RBFOX1: variants seen among roughly 807,000 people sequenced by gnomAD.
RBFOX1 encodes the protein RNA binding fox-1 homolog 1.
A neutral mutation model predicts 57.7 loss-of-function variants in RBFOX1; 8 were observed. That is an observed-to-expected ratio of 0.14 (90% CI 0.08 to 0.25). The LOEUF (loss-of-function observed/expected upper bound fraction) is 0.25, where lower values mean the gene tolerates loss of function less well. RBFOX1 is among the 10% of genes least tolerant of loss of function. The pLI is 1.00. For missense variants in RBFOX1, 611 were observed against 548.5 expected (o/e 1.11, Z -1.14); for synonymous variants, 326 against 222.4 (o/e 1.47, Z -4.15).
chr16:6,683,456 T>G (rs891763289), intron 3 of RBFOX1, among the ~76,000 whole-genome samples: 2 of 152,146 alleles, frequency 1.3e-5, no homozygotes, highest in Non-Finnish European at 2.9e-5. Context: ...TTCAAATGGT[T>G]TAGGAGAAAA....
At chr16:5,700,543 G>C (rs552567467) in intron 3 of RBFOX1, among the ~76,000 whole-genome samples, 47 of 152,206 alleles carry the variant, frequency 3.1e-4, no homozygotes, top group African/African-American at 1.1e-3. Flanking sequence ...AATTCTTTTG[G>C]TTATGCAGTT....
intron 4 of RBFOX1, among the ~76,000 whole-genome samples, chr16:5,881,344 C>CCCG (rs996395511): frequency 4.6e-5 from 7 of 152,158 alleles, no homozygotes; most frequent in Admixed American, 3.3e-4. Flanking sequence ...CTGGTTTTAA[C>CCCG]CTGTGGCTTC....
At chr16:7,029,530 A>T (rs1456383365) in intron 3 of RBFOX1, among the ~76,000 whole-genome samples, 2 of 152,020 alleles carry the variant, frequency 1.3e-5, no homozygotes, top group Admixed American at 1.3e-4. Context: ...GCTAGCTCTT[A>T]AGAAATCTAA....
At chr16:6,972,305 T>G (rs185533405) in intron 3 of RBFOX1, among the ~76,000 whole-genome samples, 26 of 152,262 alleles carry the variant, frequency 1.7e-4, no homozygotes, top group African/African-American at 6.0e-4. Context: ...TCTCTATGAT[T>G]GGGCTACGTT....
At chr16:7,582,553 G>A (rs369421745) in intron 6 of RBFOX1, among the ~76,000 whole-genome samples, 1 of 152,286 alleles carries the variant, frequency 6.6e-6, no homozygotes. Flanking sequence ...TTTAGTGGCA[G>A]GAATCACATT....
At chr16:5,717,703 A>G (rs775175217) in intron 3 of RBFOX1, among the ~76,000 whole-genome samples, 5 of 152,198 alleles carry the variant, frequency 3.3e-5, no homozygotes, top group Non-Finnish European at 7.3e-5. Context: ...ATTTCAACAC[A>G]GCACTCTCTC....
At chr16:6,415,300 A>G (rs1054993430) in intron 2 of RBFOX1, among the ~76,000 whole-genome samples, 2 of 151,708 alleles carry the variant, frequency 1.3e-5, no homozygotes, top group Non-Finnish European at 2.9e-5. Flanking sequence ...ACAGTGTAAC[A>G]GGGTACTAGT....
At chr16:6,873,737 A>G (rs1044411249) in intron 3 of RBFOX1, among the ~76,000 whole-genome samples, 1 of 152,194 alleles carries the variant, frequency 6.6e-6, no homozygotes, top group Admixed American at 6.6e-5. Context: ...CGTCATCACC[A>G]TGAAAATCAG....
intron 2 of RBFOX1, among the ~76,000 whole-genome samples, chr16:6,506,624 ATTTTTTTTTTTTTTTTTTTTT>A (rs71145238): frequency 3.3e-4 from 32 of 98,456 alleles, no homozygotes; most frequent in African/African-American, 1.0e-3. Flanking sequence ...ACAGTAGCTA[ATTTTTTTTTTTTTTTTTTTTT>A]TTTTTTTTTT....
At chr16:7,633,483 T>C (rs905650700) in intron 11 of RBFOX1, among the ~76,000 whole-genome samples, 1 of 152,184 alleles carries the variant, frequency 6.6e-6, no homozygotes, top group African/African-American at 2.4e-5. Flanking sequence ...TATTCCCCCA[T>C]TCTTGAGAAC....
At chr16:6,220,136 A>G (rs1370305957) in intron 1 of RBFOX1, among the ~76,000 whole-genome samples, 2 of 152,168 alleles carry the variant, frequency 1.3e-5, no homozygotes, top group Non-Finnish European at 2.9e-5. Context: ...TATATCATCT[A>G]TCTCGATATA....
At chr16:6,882,647 A>G (rs984494665) in intron 3 of RBFOX1, among the ~76,000 whole-genome samples, 4 of 152,150 alleles carry the variant, frequency 2.6e-5, no homozygotes, top group African/African-American at 9.7e-5. Flanking sequence ...TCCTCAGTGC[A>G]GTGTCTAGCA....
intron 13 of RBFOX1, among the ~76,000 whole-genome samples, chr16:7,667,615 A>G (rs1316566149): frequency 6.6e-6 from 1 of 152,206 alleles, no homozygotes; most frequent in Non-Finnish European, 1.5e-5. Flanking sequence ...GGTTTAGGGC[A>G]ATTGTCAGCG....
intron 2 of RBFOX1, among the ~76,000 whole-genome samples, chr16:5,509,888 G>A (rs1271927709): frequency 1.3e-5 from 2 of 152,198 alleles, no homozygotes; most frequent in East Asian, 1.9e-4. Context: ...TGGCGCAGAC[G>A]AGTGGAGGAT....
chr16:6,785,143 A>G (rs1334672259), intron 3 of RBFOX1, among the ~76,000 whole-genome samples: 2 of 151,530 alleles, frequency 1.3e-5, no homozygotes, highest in African/African-American at 2.4e-5. Context: ...ATAGTGTTAT[A>G]TTTCATTTCT....
intron 1 of RBFOX1, among the ~76,000 whole-genome samples, chr16:6,094,540 G>A (rs1169539881): frequency 1.3e-5 from 2 of 152,150 alleles, no homozygotes; most frequent in Non-Finnish European, 2.9e-5. Flanking sequence ...AAGCTTGAAA[G>A]GAGTTATTTT....
intron 2 of RBFOX1, among the ~76,000 whole-genome samples, chr16:5,548,166 A>ATATAT (rs1420272771): frequency 1.2e-4 from 4 of 33,736 alleles, no homozygotes; most frequent in Non-Finnish European, 2.2e-4. Flanking sequence ...GTTAAAAAAA[A>ATATAT]AAAAAAAAAT....
At chr16:5,262,107 A>T (rs964350327) in intron 1 of RBFOX1, among the ~76,000 whole-genome samples, 1 of 152,216 alleles carries the variant, frequency 6.6e-6, no homozygotes, top group Non-Finnish European at 1.5e-5. Flanking sequence ...AACTAATTCT[A>T]TTAATATTTG....
At position 7,235,584 on chromosome 16, in the gene RBFOX1, C is replaced by T. The variant is rs540039443; in HGVS notation, c.27+183486C>T. ...TGTTGTGATGGAAAGGCAGTGGCTG[C>T]GTTTGCCCTTTCAATTGATGGGCAG... On this transcript the variant is annotated intron_variant, in intron 4 of 15. Transcript: ENST00000550418. Among the ~76,000 whole-genome samples, 45 of 152,250 alleles carry T rather than the reference C, an allele frequency of 3.0e-4. No individual in the cohort carries two copies. In the East Asian group the frequency reaches 5.4e-3, roughly 18 times the overall value.
Sources: allele counts gnomAD v4.1 joint callset (sites outside exome capture counted in the v4.1 genomes callset), GRCh38; gene constraint gnomAD v4.1.1; transcripts MANE v1.5; gene names NCBI Gene and HGNC (gene_info 2026-07-23, HGNC 2026-07-21).